The following CAMKMT variants were observed in gnomAD, a reference collection of about 807,000 sequenced individuals.
CAMKMT encodes calmodulin-lysine N-methyltransferase, also known as CaM KMT.
CAMKMT carries 53 observed loss-of-function variants against 48.0 expected under a neutral mutation model. The observed-to-expected ratio is 1.10, with a 90% CI of 0.89 to 1.39. CAMKMT has a LOEUF of 1.39. Ranked by LOEUF, CAMKMT falls within the 40% of genes most tolerant of loss-of-function variation. The pLI is 0.00. For synonymous variants in CAMKMT, 165 were observed against 152.3 expected (o/e 1.08, Z -0.61); for missense variants, 428 against 402.7 (o/e 1.06, Z -0.54).
intron 1 of CAMKMT, among the ~76,000 whole-genome samples, chr2:44,366,230 A>C (rs1326346007): frequency 2.0e-5 from 3 of 152,336 alleles, no homozygotes; most frequent in Middle Eastern, 6.8e-3. Context: ...TGTTATTTTG[A>C]AGAATAAGTA....
chr2:44,642,812 G>A (rs1673519094), intron 3 of CAMKMT, among the ~76,000 whole-genome samples: 1 of 152,114 alleles, frequency 6.6e-6, no homozygotes, highest in Admixed American at 6.5e-5. Flanking sequence ...GAGGCTCAGG[G>A]AGGGCTTGGT....
intron 3 of CAMKMT, among the ~76,000 whole-genome samples, chr2:44,465,452 G>T (rs574160814): frequency 6.6e-6 from 1 of 151,910 alleles, no homozygotes; most frequent in African/African-American, 2.4e-5. Flanking sequence ...ACAAAAATTA[G>T]CTGGGTGGTG....
chr2:44,367,396 G>C (rs1390547302), intron 1 of CAMKMT, among the ~76,000 whole-genome samples: 3 of 152,120 alleles, frequency 2.0e-5, no homozygotes, highest in African/African-American at 7.2e-5. Flanking sequence ...TTAAAATACA[G>C]TCAAAACTTT....
intron 3 of CAMKMT, chr2:44,401,071 T>C (rs1682337674): frequency 6.6e-6 from 1 of 151,766 alleles, no homozygotes; most frequent in African/African-American, 2.4e-5. Context: ...TCCTATTATG[T>C]GCTGTCCTGC....
chr2:44,506,196 A>T (rs1670253304), intron 3 of CAMKMT, among the ~76,000 whole-genome samples: 1 of 152,182 alleles, frequency 6.6e-6, no homozygotes, highest in Non-Finnish European at 1.5e-5. Flanking sequence ...CAAGGAAAGA[A>T]GGAGCAAATG....
chr2:44,407,296 G>C (rs183586064), intron 3 of CAMKMT, among the ~76,000 whole-genome samples: 1 of 152,172 alleles, frequency 6.6e-6, no homozygotes, highest in Non-Finnish European at 1.5e-5. Flanking sequence ...AGCCTCTCTA[G>C]AAGTAGACTG....
chr2:44,567,545 C>G (rs1374776983), intron 3 of CAMKMT, among the ~76,000 whole-genome samples: 1 of 152,166 alleles, frequency 6.6e-6, no homozygotes, highest in Admixed American at 6.5e-5. Context: ...GTAACAGTTT[C>G]CATACAAATG....
chr2:44,503,538 G>A (rs1003242048), intron 3 of CAMKMT, among the ~76,000 whole-genome samples: 2 of 152,088 alleles, frequency 1.3e-5, no homozygotes, highest in African/African-American at 4.8e-5. Flanking sequence ...ACTAAACTTT[G>A]GTGATAAAAG....
At chr2:44,769,384 T>C (rs1375793738) in intron 10 of CAMKMT, among the ~76,000 whole-genome samples, 1 of 152,184 alleles carries the variant, frequency 6.6e-6, no homozygotes, top group Admixed American at 6.5e-5. Context: ...GTAGCATGTT[T>C]TAAAAATATT....
chr2:44,527,342 A>AT (rs1287562410), intron 3 of CAMKMT, among the ~76,000 whole-genome samples: 1 of 144,284 alleles, frequency 6.9e-6, no homozygotes, highest in Non-Finnish European at 1.5e-5. Flanking sequence ...TATAATACAT[A>AT]TATACATATA....
intron 3 of CAMKMT, among the ~76,000 whole-genome samples, chr2:44,606,147 G>A (rs1671267353): frequency 6.6e-6 from 1 of 152,102 alleles, no homozygotes; most frequent in Non-Finnish European, 1.5e-5. Context: ...AAAATCAGCT[G>A]TCTACTACTT....
intron 3 of CAMKMT, 85 bp from the exon 4 acceptor site, chr2:44,704,198 G>C: frequency 1.0e-6 from 1 of 988,922 alleles, no homozygotes; most frequent in Non-Finnish European, 1.5e-6. Context: ...AGTTGAAATA[G>C]CTTGTACTGA....
At chr2:44,590,904 T>G (rs1325736897) in intron 3 of CAMKMT, among the ~76,000 whole-genome samples, 2 of 151,806 alleles carry the variant, frequency 1.3e-5, no homozygotes, top group Non-Finnish European at 2.9e-5. Flanking sequence ...GTTTAAGTCT[T>G]TAATCCATCT....
intron 3 of CAMKMT, among the ~76,000 whole-genome samples, chr2:44,494,035 A>C (rs962226023): frequency 6.6e-6 from 1 of 152,210 alleles, no homozygotes; most frequent in African/African-American, 2.4e-5. Context: ...TTCAAACAAC[A>C]TATGTTTTAA....
intron 1 of CAMKMT, among the ~76,000 whole-genome samples, chr2:44,371,210 C>T (rs1679146427): frequency 6.6e-6 from 1 of 152,188 alleles, no homozygotes; most frequent in East Asian, 1.9e-4. Flanking sequence ...GTCTCAAACT[C>T]CTGACCTCTG....
At chr2:44,377,207 G>A (rs151214623) in intron 2 of CAMKMT, among the ~76,000 whole-genome samples, 14 of 152,022 alleles carry the variant, frequency 9.2e-5, no homozygotes, top group African/African-American at 2.9e-4. Flanking sequence ...GGGTTTTGCT[G>A]TGTTGCCCAG....
At chr2:44,365,165 C>G (rs1283392637) in intron 1 of CAMKMT, among the ~76,000 whole-genome samples, 1 of 152,150 alleles carries the variant, frequency 6.6e-6, no homozygotes, top group Non-Finnish European at 1.5e-5. Context: ...TATGTGACTC[C>G]TTTTCTCGCT....
At chr2:44,541,972 T>C (rs1157645762) in intron 3 of CAMKMT, among the ~76,000 whole-genome samples, 1 of 151,660 alleles carries the variant, frequency 6.6e-6, no homozygotes, top group Non-Finnish European at 1.5e-5. Flanking sequence ...CTACTAAAAA[T>C]ACAAATTAAA....
intron 3 of CAMKMT, among the ~76,000 whole-genome samples, chr2:44,500,807 G>A (rs532019589): frequency 5.9e-5 from 9 of 151,284 alleles, no homozygotes; most frequent in Admixed American, 5.3e-4. Context: ...TCAGCCTCCT[G>A]AGTAGCTGGG....
Sources: gnomAD v4.1 joint callset for allele counts (sites outside exome capture counted in the v4.1 genomes callset) on GRCh38, gnomAD v4.1.1 for gene constraint, MANE v1.5 for transcripts, NCBI Gene and HGNC (gene_info 2026-07-23, HGNC 2026-07-21) for gene names.